CIBAR2: variants seen among roughly 807,000 people sequenced by gnomAD.
CIBAR2 encodes CBY1-interacting BAR domain-containing protein 2.
CIBAR2 carries 38 observed loss-of-function variants against 36.2 expected under a neutral mutation model. That is an observed-to-expected ratio of 1.05 (90% confidence interval 0.81 to 1.38). The LOEUF is 1.38. Among genes scored for constraint, CIBAR2 ranks in the 40% most tolerant of loss-of-function variants. The pLI is 0.00. For synonymous variants in CIBAR2, 182 were observed against 149.5 expected, an observed-to-expected ratio of 1.22 and a Z score of -1.58; for missense variants, 481 against 383.4, an observed-to-expected ratio of 1.25 and a Z score of -2.13.
Position 85,101,865 on chromosome 16 carries a change from A to G in CIBAR2, c.651+349T>C, listed in dbSNP as rs146003768. Among the ~76,000 whole-genome samples the G allele has an allele frequency of 2.0e-3, 301 of 152,106 alleles. 2 individuals are homozygous for G. The highest frequency in any genetic ancestry group is 6.1e-3 in the African/African-American group (253 of 41,496). ...TGTATTTTAGTAGAGACAGAATTTC[A>G]CCATGTTGGCCAGGCTGGCCTCGAA... On this transcript the variant is annotated intron_variant, in intron 7 of 8. Coordinates refer to ENST00000539556, the MANE Select transcript of CIBAR2 (RefSeq NM_198491.3).
intron 7 of CIBAR2, among the ~76,000 whole-genome samples, chr16:85,101,974 A>T (rs1382190588): frequency 6.6e-6 from 1 of 152,078 alleles, no homozygotes; most frequent in Non-Finnish European, 1.5e-5. Context: ...CCGCCGATCC[A>T]TTTGTTTTTA....
At chr16:85,108,985 G>T (rs193185889) in intron 2 of CIBAR2, among the ~76,000 whole-genome samples, 38 of 152,302 alleles carry the variant, frequency 2.5e-4, no homozygotes, top group African/African-American at 8.7e-4. Flanking sequence ...CATCAAGGAA[G>T]ATGGCACCCT....
intron 8 of CIBAR2, 40 bp from the exon 9 acceptor site, chr16:85,099,386 G>A (rs762402510): frequency 1.8e-6 from 2 of 1,121,696 alleles, no homozygotes; most frequent in South Asian, 2.5e-5. Context: ...GGCCTTCCTG[G>A]GGCTGTAAGG....
intron 5 of CIBAR2, among the ~76,000 whole-genome samples, chr16:85,105,864 T>C (rs78227049): frequency 6.6e-6 from 1 of 152,216 alleles, no homozygotes; most frequent in African/African-American, 2.4e-5. Context: ...TCAACATCTA[T>C]AGACGCTTAC....
rs779776033 is a variant in CIBAR2 at position 85,110,433 on chromosome 16, A to T, written c.48T>A (p.Asn16Lys). The T allele has an allele frequency of 6.2e-7, 1 of 1,608,952 alleles. No homozygotes were observed. Among genetic ancestry groups the T allele is most frequent in the Non-Finnish European group, 8.5e-7 (1 of 1,177,056 alleles). ...AGTACTTCTCGGTGTTGGCCACGGT[A>T]TTCTCCATCACCCTCACCTGGCTGT... is the stretch of plus-strand genomic sequence containing the variant. ...SRDSQVRVME[N>K]TVANTEKYFG... is the part of the protein sequence containing the mutation. The change falls in exon 2 of 9, where the codon AAT (asparagine) becomes AAA (lysine). Residue 16 changes from asparagine to lysine, a missense_variant. Coordinates refer to ENST00000539556, the MANE Select transcript of CIBAR2 (RefSeq NM_198491.3).
At chr16:85,110,704 C>CA (rs1555528518) in intron 1 of CIBAR2, among the ~76,000 whole-genome samples, 1 of 93,898 alleles carries the variant, frequency 1.1e-5, no homozygotes, top group Admixed American at 9.9e-5. Context: ...CAGACCTGGC[C>CA]TTTTTTTTTT....
At chr16:85,099,466 C>G (rs756368985) in intron 8 of CIBAR2, 120 bp from the exon 9 acceptor site, 1 of 666,274 alleles carries the variant, frequency 1.5e-6, no homozygotes, top group East Asian at 2.8e-5. Context: ...AACCCGCGGG[C>G]CCACGGGCTG....
chr16:85,099,463 G>C, intron 8 of CIBAR2, 117 bp from the exon 9 acceptor site: 1 of 668,812 alleles, frequency 1.5e-6, no homozygotes, highest in Non-Finnish European at 2.7e-6. Flanking sequence ...TGGAACCCGC[G>C]GGCCCACGGG....
Position 85,110,748 on chromosome 16 carries a change from A to C in CIBAR2, c.21-288T>G, listed in dbSNP as rs1290129195. 5.5e-5 allele frequency among the ~76,000 whole-genome samples: 7 copies of C among 128,028 alleles called. No individual in the cohort carries two copies. In the East Asian group the frequency reaches 1.6e-3, roughly 29 times the overall value. The allele number at this position is 128,028 out of a possible 152,430, so 84.0% of individuals were successfully genotyped here. Reference sequence around the variant, plus strand: ...GAGACAGAGTCTTGCTCTGTCACCCAGGCTGGAGTGCAGTGGTATGATCTT... The same window carrying C: ...GAGACAGAGTCTTGCTCTGTCACCCCGGCTGGAGTGCAGTGGTATGATCTT... On this transcript the variant is annotated intron_variant, in intron 1 of 8. Transcript: ENST00000539556.
Position 85,108,024 on chromosome 16 carries a change from G to T in CIBAR2, c.324+7C>A. On this transcript the variant is annotated splice_region_variant and intron_variant, in intron 3 of 8. Coordinates refer to ENST00000539556, the MANE Select transcript of CIBAR2 (RefSeq NM_198491.3). ...GATGCCACCCACACCGAGGTGCCCC[G>T]GCTCACCCGTGTCTGCTTGATCTGT... is the stretch of plus-strand genomic sequence containing the variant. 1.9e-6 allele frequency: 3 copies of T among 1,613,732 alleles called. No individual in the cohort carries two copies. The highest frequency in any genetic ancestry group is 2.2e-5 in the East Asian group (1 of 44,874).
intron 1 of CIBAR2, among the ~76,000 whole-genome samples, chr16:85,111,520 C>T (rs943620508): frequency 5.3e-5 from 8 of 152,108 alleles, no homozygotes; most frequent in Non-Finnish European, 8.8e-5. Flanking sequence ...GCACCAGAAT[C>T]CCTGGGAGGG....
intron 5 of CIBAR2, among the ~76,000 whole-genome samples, chr16:85,107,420 C>T (rs1453794418): frequency 2.0e-5 from 3 of 152,116 alleles, no homozygotes; most frequent in Admixed American, 6.6e-5. Flanking sequence ...CTGATGTGAG[C>T]ATTAAACAGG....
At chr16:85,107,073 G>C (rs2074001607) in intron 5 of CIBAR2, among the ~76,000 whole-genome samples, 1 of 152,096 alleles carries the variant, frequency 6.6e-6, no homozygotes, top group East Asian at 1.9e-4. Flanking sequence ...TTGAACCCTG[G>C]AGGCGGAGGT....
chr16:85,098,573 G>A lies in CIBAR2; in HGVS notation c.*612C>T, dbSNP rs750591567. On this transcript the variant is annotated 3_prime_UTR_variant, in exon 9 of 9. Coordinates refer to ENST00000539556, the MANE Select transcript of CIBAR2 (RefSeq NM_198491.3). ...ACTGTTGTGGGCAGTTCTCTCTTAT[G>A]GGGTCCCTGCCCCAGTGCCCTGAGG... is the stretch of plus-strand genomic sequence containing the variant. 120 of 985,838 alleles carry A rather than the reference G, an allele frequency of 1.2e-4. No individual in the cohort carries two copies. The highest frequency in any genetic ancestry group is 1.3e-4 in the Non-Finnish European group (112 of 830,020). The allele number at this position is 985,838 out of a possible 1,614,324, so 61.1% of individuals were successfully genotyped here.
intron 7 of CIBAR2, among the ~76,000 whole-genome samples, chr16:85,101,193 C>T (rs181903970): frequency 1.3e-5 from 2 of 152,354 alleles, no homozygotes; most frequent in East Asian, 3.9e-4. Flanking sequence ...GTAGCTCACA[C>T]AGTTGCCTGG....
At chr16:85,112,269 T>G in intron 1 of CIBAR2, 64 bp downstream of exon 1, 3 of 1,500,106 alleles carry the variant, frequency 2.0e-6, no homozygotes, top group East Asian at 2.3e-5. Flanking sequence ...TCTTTGTTGG[T>G]GCCCCGGGCC....
At chr16:85,110,779 A>C (rs2074036698) in intron 1 of CIBAR2, among the ~76,000 whole-genome samples, 1 of 135,432 alleles carries the variant, frequency 7.4e-6, no homozygotes, top group Non-Finnish European at 1.5e-5. Flanking sequence ...ATCTTGGCTT[A>C]CTGCAACCTC....
intron 7 of CIBAR2, among the ~76,000 whole-genome samples, chr16:85,100,761 T>A (rs1355920824): frequency 3.3e-5 from 5 of 152,062 alleles, no homozygotes; most frequent in Non-Finnish European, 7.3e-5. Context: ...TAAAAGGTGA[T>A]TGAGTGCCGG....
chr16:85,110,099 G>A, intron 2 of CIBAR2, 127 bp downstream of exon 2: 1 of 655,948 alleles, frequency 1.5e-6, no homozygotes, highest in South Asian at 2.0e-5. Context: ...TCCATTGTCG[G>A]TGGATGTCTC....
Sources: allele counts gnomAD v4.1 joint callset (sites outside exome capture counted in the v4.1 genomes callset), GRCh38; gene constraint gnomAD v4.1.1; transcripts MANE v1.5; gene names NCBI Gene and HGNC (gene_info 2026-07-23, HGNC 2026-07-21).